MED12L: variants seen among roughly 807,000 people sequenced by gnomAD.
MED12L encodes mediator of RNA polymerase II transcription subunit 12-like protein.
In MED12L, 60 loss-of-function variants were observed where a neutral mutation model predicts 281.3. The ratio of observed to expected loss-of-function variants is 0.21; its 90% CI spans 0.17 to 0.26. The LOEUF (loss-of-function observed/expected upper bound fraction) is 0.26, where lower values mean the gene tolerates loss of function less well. MED12L is among the 10% of genes least tolerant of loss of function. The pLI is 1.00. For synonymous variants in MED12L, 974 were observed against 987.2 expected (o/e 0.99, Z 0.25); for missense variants, 2,146 against 2,680.9 (o/e 0.80, Z 4.41).
intron 2 of MED12L, among the ~76,000 whole-genome samples, chr3:151,102,279 T>C (rs1721483005): frequency 6.6e-6 from 1 of 152,132 alleles, no homozygotes; most frequent in African/African-American, 2.4e-5. Flanking sequence ...TTGGAAGGTT[T>C]CCTAAGCTTG....
chr3:151,113,108 G>T (rs1712173768), intron 2 of MED12L, among the ~76,000 whole-genome samples: 1 of 152,224 alleles, frequency 6.6e-6, no homozygotes, highest in South Asian at 2.1e-4. Flanking sequence ...GATTAGGAAT[G>T]CTGGGAGGTA....
chr3:151,294,156 A>C (rs12492699), intron 16 of MED12L: 317,262 of 1,450,838 alleles, frequency 0.22, 37,023 homozygotes, highest in South Asian at 0.33. Flanking sequence ...GATTCCAACA[A>C]ACAATAAAAG....
Position 151,332,903 on chromosome 3 carries a change from A to G in MED12L, c.2251-17156A>G, listed in dbSNP as rs184317170. Among the ~76,000 whole-genome samples, 20 of 152,000 alleles carry G rather than the reference A, an allele frequency of 1.3e-4. 1 individual carries two copies. The highest frequency in any genetic ancestry group is 1.2e-3 in the Admixed American group (18 of 15,278). On this transcript the variant is annotated intron_variant, in intron 16 of 44. Coordinates refer to ENST00000687756, the MANE Select transcript of MED12L (RefSeq NM_001393769.1). ...AGTCCTTACCCTCCTCCCACCCACT[A>G]CCCTCAATGTAGGCCCTGGTGTTTG...
chr3:151,296,177 G>A (rs1577259734), intron 16 of MED12L, among the ~76,000 whole-genome samples: 3 of 152,092 alleles, frequency 2.0e-5, no homozygotes, highest in African/African-American at 4.8e-5. Context: ...GCTAGGTTAC[G>A]CCTATTGTAT....
chr3:151,397,263 A>T lies in MED12L; in HGVS notation c.5820+2396A>T, dbSNP rs113211304. On this transcript the variant is annotated intron_variant, in intron 39 of 44. Transcript: ENST00000687756. ...ATATTGTTTTTAACAGTTGAAACTT[A>T]ACTATGGAGTCTCTGAAGGGCTTTC... 5.8e-3 allele frequency among the ~76,000 whole-genome samples: 891 copies of T among 152,326 alleles called. 8 individuals are homozygous for T. Among genetic ancestry groups the T allele is most frequent in the South Asian group, 0.023 (112 of 4,828 alleles).
At chr3:151,151,290 G>A (rs1451807080) in intron 5 of MED12L, among the ~76,000 whole-genome samples, 1 of 151,836 alleles carries the variant, frequency 6.6e-6, no homozygotes, top group Non-Finnish European at 1.5e-5. Context: ...GCATGCCTCT[G>A]CCTCCCAAAG....
At chr3:151,143,794 C>T (rs565938662) in intron 5 of MED12L, among the ~76,000 whole-genome samples, 5 of 152,204 alleles carry the variant, frequency 3.3e-5, no homozygotes, top group Non-Finnish European at 5.9e-5. Flanking sequence ...CATCTTCCTA[C>T]AGTCCTCCTG....
intron 16 of MED12L, among the ~76,000 whole-genome samples, chr3:151,279,149 A>T (rs985979641): frequency 1.3e-5 from 2 of 152,222 alleles, no homozygotes; most frequent in African/African-American, 2.4e-5. Flanking sequence ...CAAAGTGTAT[A>T]ACTCAGAACC....
At chr3:151,384,842 A>G in intron 35 of MED12L, 188 bp from the exon 36 acceptor site, 2 of 537,992 alleles carry the variant, frequency 3.7e-6, no homozygotes, top group South Asian at 2.4e-5. Flanking sequence ...TTTCTACTTA[A>G]ATAGAAGAAA....
At position 151,367,651 on chromosome 3, in the gene MED12L, T is replaced by C. The variant is rs765892945; in HGVS notation, c.3333T>C (p.Ser1111=). The part of the protein sequence containing the change: ...FNDVLCTVDV[S]DLSFHDSLAT... Reference sequence around the variant, plus strand: ...TGTCAATGTTTTTCTTGAAGGTGAGTGACCTTTCATTCCATGATTCATTAG... The same window carrying C: ...TGTCAATGTTTTTCTTGAAGGTGAGCGACCTTTCATTCCATGATTCATTAG... Residue 1111 remains serine (S), a synonymous_variant, in exon 24 of 45, where the codon AGT becomes AGC. Transcript: ENST00000687756. 6.2e-7 allele frequency: 1 copy of C among 1,603,158 alleles called. No individual in the cohort carries two copies. The highest frequency in any genetic ancestry group is 2.3e-5 in the East Asian group (1 of 44,358).
At chr3:151,150,596 A>G (rs1007225466) in intron 5 of MED12L, among the ~76,000 whole-genome samples, 2 of 152,260 alleles carry the variant, frequency 1.3e-5, no homozygotes, top group African/African-American at 4.8e-5. Flanking sequence ...TTTTAAGGAC[A>G]GGCCTTGACT....
intron 16 of MED12L, chr3:151,295,294 TTTG>T (rs1429702006): frequency 2.4e-6 from 2 of 820,668 alleles, no homozygotes; most frequent in Non-Finnish European, 3.9e-6. Context: ...GACCCAACTT[TTTG>T]TTATTTCAGG....
intron 2 of MED12L, among the ~76,000 whole-genome samples, chr3:151,099,793 A>G (rs1292707097): frequency 2.6e-5 from 4 of 152,156 alleles, no homozygotes; most frequent in African/African-American, 9.7e-5. Context: ...GGAGGGGAGG[A>G]GAGAATGAGT....
At chr3:151,431,634 G>A (rs1029684294) in intron 44 of MED12L, among the ~76,000 whole-genome samples, 13 of 151,970 alleles carry the variant, frequency 8.6e-5, no homozygotes, top group Non-Finnish European at 1.0e-4. Context: ...TATTCTTATA[G>A]AAAATACAAT....
At chr3:151,159,661 A>G (rs1429398920) in intron 7 of MED12L, among the ~76,000 whole-genome samples, 171 bp from the exon 8 acceptor site, 2 of 152,196 alleles carry the variant, frequency 1.3e-5, no homozygotes, top group Non-Finnish European at 2.9e-5. Flanking sequence ...TGGCTCCTAG[A>G]AACTTTAAAA....
chr3:151,216,635 TC>T (rs1438310744), intron 16 of MED12L, among the ~76,000 whole-genome samples: 7 of 152,332 alleles, frequency 4.6e-5, no homozygotes, highest in Admixed American at 3.9e-4. Flanking sequence ...AATCACTTCC[TC>T]CACAAAACCT....
At chr3:151,239,598 T>C (rs1158876675) in intron 16 of MED12L, among the ~76,000 whole-genome samples, 1 of 152,244 alleles carries the variant, frequency 6.6e-6, no homozygotes, top group Non-Finnish European at 1.5e-5. Context: ...TTAAAAGTTT[T>C]ATAACTGTCA....
At chr3:151,253,452 G>T (rs1027788660) in intron 16 of MED12L, among the ~76,000 whole-genome samples, 1 of 152,110 alleles carries the variant, frequency 6.6e-6, no homozygotes, top group Admixed American at 6.5e-5. Context: ...TCTGGCCTTT[G>T]TTGGGCCGTT....
chr3:151,247,763 A>T (rs1735944170), intron 16 of MED12L, among the ~76,000 whole-genome samples: 2 of 113,318 alleles, frequency 1.8e-5, no homozygotes, highest in Admixed American at 8.5e-5. Flanking sequence ...ATGTATAATA[A>T]AAAAAAAAAG....
Sources: allele counts gnomAD v4.1 joint callset (sites outside exome capture counted in the v4.1 genomes callset), GRCh38; gene constraint gnomAD v4.1.1; transcripts MANE v1.5; gene names NCBI Gene and HGNC (gene_info 2026-07-23, HGNC 2026-07-21).